The following PAPOLA variants were observed in gnomAD, a reference collection of about 807,000 sequenced individuals.
PAPOLA encodes poly(A) polymerase alpha, also known as polynucleotide adenylyltransferase alpha.
A neutral mutation model predicts 100.6 loss-of-function variants in PAPOLA; 15 were observed. That is an observed-to-expected ratio of 0.15 (90% confidence interval 0.10 to 0.23). The LOEUF (loss-of-function observed/expected upper bound fraction) is 0.23, where lower values mean the gene tolerates loss of function less well. PAPOLA is among the 10% of genes least tolerant of loss of function. PAPOLA has a pLI of 1.00. For synonymous variants in PAPOLA, 293 were observed against 300.0 expected, an observed-to-expected ratio of 0.98 and a Z score of 0.24; for missense variants, 533 against 884.2, an observed-to-expected ratio of 0.60 and a Z score of 5.04.
At chr14:96,510,585 A>G (rs1163555698) in intron 1 of PAPOLA, among the ~76,000 whole-genome samples, 1 of 152,258 alleles carries the variant, frequency 6.6e-6, no homozygotes, top group African/African-American at 2.4e-5. Flanking sequence ...CTTTCTCTGC[A>G]TAAGCAACCT....
In PAPOLA at chr14:96,556,242, G is replaced by A. The variant is rs764145665; in HGVS notation, c.1833G>A (p.Thr611=). Residue 611 remains threonine (T), a synonymous_variant, in exon 19 of 22, where the codon ACG becomes ACA. Transcript: ENST00000216277. ...CCATTTCTCCACCACCAAAGCCTAC[G>A]GTCTCCAGAGTTGTTTCTTCAACAC... ...QPAISPPPKP[T]VSRVVSSTRL... 47 of 1,613,758 alleles carry A rather than the reference G, an allele frequency of 2.9e-5. No homozygotes were observed. Among genetic ancestry groups the A allele is most frequent in the South Asian group, 2.9e-4 (26 of 91,050 alleles).
At chr14:96,537,246 T>G in intron 12 of PAPOLA, 186 bp downstream of exon 12, 1 of 564,768 alleles carries the variant, frequency 1.8e-6, no homozygotes. Flanking sequence ...GAAGCCCCTT[T>G]GATTTTTCTG....
At chr14:96,546,767 T>C (rs1287782084) in intron 15 of PAPOLA, among the ~76,000 whole-genome samples, 3 of 152,144 alleles carry the variant, frequency 2.0e-5, no homozygotes, top group Non-Finnish European at 4.4e-5. Flanking sequence ...GAAAAACTTG[T>C]GTGTTGAGAG....
chr14:96,521,447 A>G (rs1256668175), intron 3 of PAPOLA, among the ~76,000 whole-genome samples: 1 of 152,156 alleles, frequency 6.6e-6, no homozygotes, highest in East Asian at 1.9e-4. Context: ...TTTAAAAAAG[A>G]TTTTCAGGTA....
At chr14:96,554,621 A>G (rs1447340729) in intron 17 of PAPOLA, among the ~76,000 whole-genome samples, 2 of 149,538 alleles carry the variant, frequency 1.3e-5, no homozygotes, top group Non-Finnish European at 2.9e-5. Context: ...AGAGAGACAG[A>G]CACACACACA....
At chr14:96,528,962 T>A (rs1390442531) in intron 6 of PAPOLA, among the ~76,000 whole-genome samples, 2 of 152,232 alleles carry the variant, frequency 1.3e-5, no homozygotes, top group African/African-American at 4.8e-5. Context: ...AGTTGAGGCC[T>A]CATTTTCCTA....
Position 96,520,167 on chromosome 14 carries a change from A to C in PAPOLA, c.121A>C (p.Lys41Gln). 4 of 1,614,060 alleles carry C rather than the reference A, an allele frequency of 2.5e-6. No homozygotes were observed. Among genetic ancestry groups the C allele is most frequent in the Middle Eastern group, 1.7e-4 (1 of 6,060 alleles). Residue 41 changes from lysine to glutamine, a missense_variant, in exon 2 of 22, where the codon AAA (lysine) becomes CAA (glutamine). By Grantham distance (53) the Lys-to-Gln change is moderately conservative. Transcript: ENST00000216277. ...PKETDCVLTQ[K>Q]LIETLKPFGV... ...GGAGACTGACTGCGTACTTACACAG[A>C]AACTAATTGAGACATTGAAACCCTT...
chr14:96,510,485 G>A (rs1219738070), intron 1 of PAPOLA, among the ~76,000 whole-genome samples: 1 of 150,402 alleles, frequency 6.6e-6, no homozygotes. Flanking sequence ...ACACGCGCGC[G>A]TGCGCTTGTG....
At chr14:96,527,253 A>G (rs981481193) in intron 4 of PAPOLA, 177 bp from the exon 5 acceptor site, 10 of 578,966 alleles carry the variant, frequency 1.7e-5, no homozygotes, top group African/African-American at 1.3e-4. Flanking sequence ...AATATACCAC[A>G]TCAATTAAAA....
At chr14:96,509,224 G>A (rs1474116319) in intron 1 of PAPOLA, among the ~76,000 whole-genome samples, 1 of 152,102 alleles carries the variant, frequency 6.6e-6, no homozygotes. Flanking sequence ...CTGTGACAGG[G>A]TTTTGCCACG....
At chr14:96,558,451 A>G (rs957630560) in intron 19 of PAPOLA, among the ~76,000 whole-genome samples, 1 of 152,126 alleles carries the variant, frequency 6.6e-6, no homozygotes, top group Non-Finnish European at 1.5e-5. Context: ...ATGGCACCCT[A>G]AGAGCTCTAA....
chr14:96,509,271 A>G (rs567813701), intron 1 of PAPOLA, among the ~76,000 whole-genome samples: 16 of 152,284 alleles, frequency 1.1e-4, no homozygotes, highest in Admixed American at 1.3e-4. Context: ...GGCTCAAGCA[A>G]TCCCACCTTG....
chr14:96,525,421 G>T (rs111281225), intron 4 of PAPOLA, 30 bp downstream of exon 4: 2 of 902,354 alleles, frequency 2.2e-6, no homozygotes, highest in South Asian at 3.1e-5. Context: ...TCTTAGAAAG[G>T]GACCCTTTAG....
intron 18 of PAPOLA, 112 bp downstream of exon 18, chr14:96,556,059 G>A: frequency 8.5e-7 from 1 of 1,181,026 alleles, no homozygotes; most frequent in South Asian, 1.3e-5. Flanking sequence ...TTAAATGCCA[G>A]TTTATTTTTT....
At chr14:96,526,524 A>G (rs1172950637) in intron 4 of PAPOLA, 4 of 152,258 alleles carry the variant, frequency 2.6e-5, no homozygotes, top group Non-Finnish European at 5.9e-5. Context: ...TTTGGTAGAG[A>G]CAGGGTTTTC....
At chr14:96,521,100 A>G (rs10139164) in intron 3 of PAPOLA, 28 bp downstream of exon 3, 241,492 of 1,051,194 alleles carry the variant, frequency 0.23, 28,480 homozygotes, top group African/African-American at 0.39. Context: ...TATATGAAAT[A>G]ATTTCATATA....
Position 96,566,063 on chromosome 14 carries a change from C to G in PAPOLA, c.*1013C>G, listed in dbSNP as rs1902244994. ...AATGCCTGTGAAACATGATATCTAT[C>G]TGGGATGGCCATTTGATCTCTAAAA... On this transcript the variant is annotated 3_prime_UTR_variant, in exon 22 of 22. Coordinates refer to ENST00000216277, the MANE Select transcript of PAPOLA (RefSeq NM_032632.5). The G allele has an allele frequency of 1.5e-5, 6 of 395,976 alleles. No individual in the cohort carries two copies. In the East Asian group the frequency reaches 2.1e-4, roughly 14 times the overall value. 24.5% of individuals were successfully genotyped at this position (395,976 alleles called of 1,614,324 possible).
At chr14:96,513,062 G>GTT (rs2140237076) in intron 1 of PAPOLA, among the ~76,000 whole-genome samples, 1 of 152,178 alleles carries the variant, frequency 6.6e-6, no homozygotes, top group South Asian at 2.1e-4. Context: ...ATTTTTTATT[G>GTT]TTTGTTTTTT....
intron 6 of PAPOLA, 45 bp from the exon 7 acceptor site, chr14:96,531,430 A>G: frequency 1.4e-6 from 2 of 1,435,480 alleles, no homozygotes; most frequent in Non-Finnish European, 1.9e-6. Context: ...AAATGCCTTA[A>G]AAGTAGTTTG....
Sources: gnomAD v4.1 joint callset for allele counts (sites outside exome capture counted in the v4.1 genomes callset) on GRCh38, gnomAD v4.1.1 for gene constraint, MANE v1.5 for transcripts, NCBI Gene and HGNC (gene_info 2026-07-23, HGNC 2026-07-21) for gene names.